MLH3: variants seen among roughly 807,000 people sequenced by gnomAD.
MLH3 encodes the protein DNA mismatch repair protein Mlh3.
In MLH3, 82 loss-of-function variants were observed where a neutral mutation model predicts 122.2. The observed-to-expected ratio is 0.67, with a 90% CI of 0.56 to 0.81. The LOEUF (loss-of-function observed/expected upper bound fraction) is 0.81. Among genes scored for constraint, MLH3 ranks in the 30% least tolerant of loss-of-function variants. MLH3 has a pLI of 0.00. For missense variants in MLH3, 1,539 were observed against 1,714.5 expected (o/e 0.90, Z 1.81); for synonymous variants, 524 against 599.5 (o/e 0.87, Z 1.84).
intron 4 of MLH3, 66 bp from the exon 5 acceptor site, chr14:75,040,081 T>C: frequency 1.2e-6 from 1 of 813,956 alleles, no homozygotes; most frequent in Non-Finnish European, 2.1e-6. Context: ...TTACCAAAGA[T>C]ATCAGAGTGC....
intron 12 of MLH3, among the ~76,000 whole-genome samples, chr14:75,018,314 A>G (rs1046026939): frequency 6.6e-6 from 1 of 152,160 alleles, no homozygotes; most frequent in Non-Finnish European, 1.5e-5. Context: ...GTTGCTGGGT[A>G]ATTAGGGCCA....
At chr14:75,018,406 G>A (rs1172238056) in intron 12 of MLH3, among the ~76,000 whole-genome samples, 1 of 152,224 alleles carries the variant, frequency 6.6e-6, no homozygotes, top group East Asian at 1.9e-4. Context: ...GGGATGGCCA[G>A]CTACAGTCAC....
intron 10 of MLH3, 35 bp downstream of exon 10, chr14:75,022,960 T>G (rs1890388994): frequency 1.2e-6 from 2 of 1,613,974 alleles, no homozygotes; most frequent in African/African-American, 2.7e-5. Flanking sequence ...GTGTGGTGCT[T>G]CTGTGTGAAA....
At chr14:75,036,738 C>T (rs1418257436) in intron 6 of MLH3, 1 of 456,060 alleles carries the variant, frequency 2.2e-6, no homozygotes, top group African/African-American at 2.0e-5. Context: ...ACATCATCAA[C>T]TCAGCTATGG....
chr14:75,049,727 GA>G lies in MLH3; in HGVS notation c.-63-10del. 2.1e-6 allele frequency: 3 copies of G among 1,444,784 alleles called. No homozygotes were observed. The allele number at this position is 1,444,784 out of a possible 1,614,324, so 89.5% of individuals were successfully genotyped here. ...TGACTGGAAATAATTGCCTATTGGA[GA>G]AAAAAACCACACACGCACATAATCA... On this transcript the variant is annotated splice_polypyrimidine_tract_variant and intron_variant, in intron 1 of 12. Coordinates refer to ENST00000355774, the MANE Select transcript of MLH3 (RefSeq NM_001040108.2).
chr14:75,015,348 C>A lies in MLH3; in HGVS notation c.*1734G>T, dbSNP rs1282436584. 1 of 176,368 alleles carries A rather than the reference C, an allele frequency of 5.7e-6. No individual in the cohort carries two copies. The highest frequency in any genetic ancestry group is 2.4e-5 in the African/African-American group (1 of 42,228). 10.9% of individuals were successfully genotyped at this position (176,368 alleles called of 1,614,324 possible). On this transcript the variant is annotated 3_prime_UTR_variant, in exon 13 of 13. Coordinates refer to ENST00000355774, the MANE Select transcript of MLH3 (RefSeq NM_001040108.2). Reference sequence around the variant, plus strand: ...TAATTTATGGAGGACTTTTTCTAATCCTCTGCTACTCTCAAGAAAACAGTA... The same window carrying A: ...TAATTTATGGAGGACTTTTTCTAATACTCTGCTACTCTCAAGAAAACAGTA...
At chr14:75,017,861 T>C (rs889819733) in intron 12 of MLH3, among the ~76,000 whole-genome samples, 1 of 152,054 alleles carries the variant, frequency 6.6e-6, no homozygotes, top group Admixed American at 6.5e-5. Flanking sequence ...AGAAAAGATT[T>C]TGGGCAGGGC....
intron 1 of MLH3, among the ~76,000 whole-genome samples, chr14:75,049,999 C>G (rs980393799): frequency 6.6e-6 from 1 of 152,194 alleles, no homozygotes; most frequent in Non-Finnish European, 1.5e-5. Flanking sequence ...GACCAGTAAA[C>G]ACAGTATTCG....
chr14:75,030,556 T>A lies in MLH3; in HGVS notation c.3974A>T (p.Lys1325Met). The A allele has an allele frequency of 6.2e-7, 1 of 1,614,144 alleles. No homozygotes were observed. The highest frequency in any genetic ancestry group is 8.5e-7 in the Non-Finnish European group (1 of 1,180,004). ...GCTGTGTCTTACCTCCACAATACTC[T>A]TGGTCACAGTAGATCTTCCTCTCCG... ...ELRRGRSTVT[K>M]SIVEEFIREQ... is the part of the protein sequence containing the mutation. The change falls in exon 9 of 13, where the codon AAG (lysine) becomes ATG (methionine). Residue 1325 changes from lysine (K) to methionine (M), a missense_variant. Transcript: ENST00000355774.
In MLH3 at chr14:75,039,913, G is replaced by T. The variant is rs779651509; in HGVS notation, c.3568C>A (p.Gln1190Lys). 24 of 1,348,930 alleles carry T rather than the reference G, an allele frequency of 1.8e-5. No homozygotes were observed. In the South Asian group the frequency reaches 2.3e-4, roughly 13 times the overall value. 83.6% of individuals were successfully genotyped at this position (1,348,930 alleles called of 1,614,324 possible). The change falls in exon 5 of 13, where the codon CAG becomes AAG. Residue 1190 changes from glutamine to lysine, a missense_variant and splice_region_variant. By Grantham distance (53) the Gln-to-Lys change is moderately conservative. Coordinates refer to ENST00000355774, the MANE Select transcript of MLH3 (RefSeq NM_001040108.2). ...AGATTTTGAAGTTAATCTTTTACCT[G>T]CATTGAATGAATCATTCCTTTGGTG... ...RFTKGMIHSM[Q>K]VLQQVDNKFI... is the part of the protein sequence containing the mutation.
chr14:75,016,921 T>C lies in MLH3; in HGVS notation c.*161A>G, dbSNP rs754484080. ...TCTGGCTACTCAACTAGGGGAATCA[T>C]CTGCTCAAGAAAGACTGATACAGAG... On this transcript the variant is annotated 3_prime_UTR_variant, in exon 13 of 13. Transcript: ENST00000355774. 5 of 773,386 alleles carry C rather than the reference T, an allele frequency of 6.5e-6. No homozygotes were observed. The highest frequency in any genetic ancestry group is 3.9e-5 in the Admixed American group (2 of 51,070). 47.9% of individuals were successfully genotyped at this position (773,386 alleles called of 1,614,324 possible).
chr14:75,020,462 A>C (rs1890202293), intron 11 of MLH3, among the ~76,000 whole-genome samples: 1 of 152,120 alleles, frequency 6.6e-6, no homozygotes, highest in Non-Finnish European at 1.5e-5. Context: ...ATGAGGGAGG[A>C]GCCAGACAGA....
chr14:75,041,762 A>T lies in MLH3; in HGVS notation c.3380-62T>A. The T allele has an allele frequency of 2.4e-6, 3 of 1,225,578 alleles. No individual in the cohort carries two copies. In the Admixed American group the frequency reaches 5.1e-5, roughly 21 times the overall value. The allele number at this position is 1,225,578 out of a possible 1,614,324, so 75.9% of individuals were successfully genotyped here. A position where few individuals can be genotyped will look rare whatever the true frequency, so the allele number is the denominator to read the frequency against. ...AACCACAGGGAAAGGAGGGAATGGC[A>T]TTTCCTGTTTGGTGAGCCATAGCCT... On this transcript the variant is annotated intron_variant, in intron 3 of 12. Transcript: ENST00000355774.
chr14:75,037,797 G>GA (rs919260213), intron 6 of MLH3, among the ~76,000 whole-genome samples: 19 of 146,530 alleles, frequency 1.3e-4, no homozygotes, highest in South Asian at 4.3e-4. Context: ...CCACAAAAAG[G>GA]AAAAAAAAAA....
Position 75,030,450 on chromosome 14 carries a change from T to C in MLH3, c.3987+93A>G, listed in dbSNP as rs1036718523. ...ACCGCAGGTAAATACCATGAATACT[T>C]GTTGAAGAAAAGATGAATTCAGAGA... On this transcript the variant is annotated intron_variant, in intron 9 of 12. Transcript: ENST00000355774. 13 of 1,277,558 alleles carry C rather than the reference T, an allele frequency of 1.0e-5. No individual in the cohort carries two copies. In the African/African-American group the frequency reaches 1.9e-4, roughly 19 times the overall value. The allele number at this position is 1,277,558 out of a possible 1,614,324, so 79.1% of individuals were successfully genotyped here. A position where few individuals can be genotyped will look rare whatever the true frequency, so the allele number is the denominator to read the frequency against.
intron 7 of MLH3, 65 bp downstream of exon 7, chr14:75,033,354 C>T (rs376699272): frequency 7.9e-7 from 1 of 1,270,196 alleles, no homozygotes; most frequent in Non-Finnish European, 1.2e-6. Context: ...GTTAGAAAAG[C>T]TCTTTGAGGT....
At chr14:75,021,528 C>T (rs1595030863) in intron 11 of MLH3, among the ~76,000 whole-genome samples, 1 of 152,094 alleles carries the variant, frequency 6.6e-6, no homozygotes, top group Non-Finnish European at 1.5e-5. Flanking sequence ...GACATGAACA[C>T]ACACTTCTCA....
rs1555345796 is a variant in MLH3 at position 75,048,188 on chromosome 14, A to AT, written c.1467dup (p.Ser490IlefsTer6). The AT allele has an allele frequency of 9.3e-6, 15 of 1,613,718 alleles. No homozygotes were observed. Among genetic ancestry groups the AT allele is most frequent in the African/African-American group, 1.3e-5 (1 of 74,978 alleles). Reference sequence around the variant, plus strand: ...TCTAAAGAGCTATGTTCCAGGAAAGATTTTTTATGTTTCTCATTTTCTCCA... The same window carrying AT: ...TCTAAAGAGCTATGTTCCAGGAAAGATTTTTTTATGTTTCTCATTTTCTCCA... On this transcript the variant is annotated frameshift_variant, in exon 2 of 13. Transcript: ENST00000355774. LOFTEE classifies it high-confidence loss of function.
At position 75,027,686 on chromosome 14, in the gene MLH3, A is replaced by AC. The variant is rs1273616594; in HGVS notation, c.3987+2856_3987+2857insG. ...CAGTAAAAAAAAAAAAAAAAAAAAAAAAAAAAAACCCAAAAGAACACAGAA... is the reference window on the plus strand; with the variant it reads ...CAGTAAAAAAAAAAAAAAAAAAAAAACAAAAAAAACCCAAAAGAACACAGAA... On this transcript the variant is annotated intron_variant, in intron 9 of 12. Coordinates refer to ENST00000355774, the MANE Select transcript of MLH3 (RefSeq NM_001040108.2). Among the ~76,000 whole-genome samples, 462 of 149,686 alleles carry AC rather than the reference A, an allele frequency of 3.1e-3. 1 individual carries two copies. Among genetic ancestry groups the AC allele is most frequent in the Middle Eastern group, 0.014 (4 of 286 alleles).
Sources: allele counts gnomAD v4.1 joint callset (sites outside exome capture counted in the v4.1 genomes callset), GRCh38; gene constraint gnomAD v4.1.1; transcripts MANE v1.5; gene names NCBI Gene and HGNC (gene_info 2026-07-23, HGNC 2026-07-21).